The following SPNS3 variants were observed in gnomAD, a reference collection of about 807,000 sequenced individuals.
SPNS3 encodes protein spinster homolog 3.
In SPNS3, 51 loss-of-function variants were observed where a neutral mutation model predicts 54.4. That is an observed-to-expected ratio of 0.94 (90% CI 0.75 to 1.18). The LOEUF is 1.18. Ranked by LOEUF, SPNS3 falls within the 50% of genes most tolerant of loss-of-function variation. SPNS3 has a pLI of 0.00. For synonymous variants in SPNS3, 309 were observed against 294.7 expected (o/e 1.05, Z -0.50); for missense variants, 669 against 677.4 (o/e 0.99, Z 0.14).
chr17:4,461,789 G>A (rs570769117), intron 8 of SPNS3, among the ~76,000 whole-genome samples: 1 of 152,298 alleles, frequency 6.6e-6, no homozygotes, highest in East Asian at 1.9e-4. Flanking sequence ...CCCATTAATT[G>A]AGGCAGGAAA....
chr17:4,468,933 G>T (rs1021459287), intron 8 of SPNS3, among the ~76,000 whole-genome samples: 2 of 151,444 alleles, frequency 1.3e-5, no homozygotes, highest in Non-Finnish European at 2.9e-5. Flanking sequence ...GGATTATGGG[G>T]CATGCCACCA....
intron 9 of SPNS3, among the ~76,000 whole-genome samples, chr17:4,481,491 C>T (rs1972149317): frequency 6.6e-6 from 1 of 152,058 alleles, no homozygotes. Flanking sequence ...GGGCAGGGCA[C>T]GTTCACGTGA....
Position 4,486,477 on chromosome 17 carries a change from G to C in SPNS3, c.1344G>C (p.Gln448His). The C allele has an allele frequency of 6.2e-7, 1 of 1,613,572 alleles. No individual in the cohort carries two copies. Among genetic ancestry groups the C allele is most frequent in the African/African-American group, 1.3e-5 (1 of 75,062 alleles). Residue 448 changes from glutamine to histidine, a missense_variant, in exon 11 of 12, where the codon CAG becomes CAC. By Grantham distance (24) the Gln-to-His change is conservative (BLOSUM62 0). Transcript: ENST00000355530. This position sits in a 1 kb window ranked among gnomAD's most constrained non-coding sequence, Gnocchi z 5.5. Reference sequence around the variant, plus strand: ...TGCAGCGCTTCCGCAGCCTGCAGCAGAGCTTCCTGTGCTGCGCCTTTGTCA... The same window carrying C: ...TGCAGCGCTTCCGCAGCCTGCAGCACAGCTTCCTGTGCTGCGCCTTTGTCA... ...SYLQRFRSLQ[Q>H]SFLCCAFVIA...
intron 8 of SPNS3, among the ~76,000 whole-genome samples, chr17:4,456,976 A>G (rs941689404): frequency 6.6e-6 from 1 of 152,138 alleles, no homozygotes; most frequent in Non-Finnish European, 1.5e-5. Context: ...CGGCCTCCCA[A>G]GGTGCTGGGA....
intron 9 of SPNS3, chr17:4,482,676 C>T (rs1350086573): frequency 6.6e-6 from 1 of 152,328 alleles, no homozygotes; most frequent in African/African-American, 2.4e-5. Flanking sequence ...TAGAGGGGCC[C>T]TGCTCCCTGG....
Position 4,453,028 on chromosome 17 carries a change from G to A in SPNS3, c.936G>A (p.Gly312=), listed in dbSNP as rs138773945. ...TCTTCCCCATCAGCCTGATTTTTGGGGCACTGACCATCATGACCGGCGTCA... is the reference window on the plus strand; with the variant it reads ...TCTTCCCCATCAGCCTGATTTTTGGAGCACTGACCATCATGACCGGCGTCA... ...PCSNPDSLIF[G]ALTIMTGVIG... is the part of the protein sequence containing the mutation. The change falls in exon 8 of 12, where the codon GGG becomes GGA. Residue 312 remains glycine, a synonymous_variant. Transcript: ENST00000355530. 84 of 1,613,502 alleles carry A rather than the reference G, an allele frequency of 5.2e-5. No individual in the cohort carries two copies. The African/African-American group carries it at 1.1e-3, about 21-fold the overall frequency.
chr17:4,439,354 G>A (rs997874931), intron 1 of SPNS3, among the ~76,000 whole-genome samples: 1 of 152,180 alleles, frequency 6.6e-6, no homozygotes, highest in Non-Finnish European at 1.5e-5. Context: ...TCAAGCTCCT[G>A]ACCTCAGGTG....
intron 1 of SPNS3, among the ~76,000 whole-genome samples, chr17:4,436,559 G>A (rs114341733): frequency 0.014 from 2,113 of 150,916 alleles, 27 homozygotes; most frequent in Middle Eastern, 0.037. Flanking sequence ...TTGAGGCTGC[G>A]GTGAGCCCTC....
rs115273039 is a variant in SPNS3, at chr17:4,439,932, C to T, written c.265+209C>T. Among the ~76,000 whole-genome samples the T allele has an allele frequency of 5.2e-3, 786 of 152,110 alleles. 9 individuals carry two copies. The highest frequency in any genetic ancestry group is 0.018 in the African/African-American group (742 of 41,518). ...ATGGTAGTTTGAGTGTAGGGTGCCG[C>T]GGGAGAGCAGGGGGAGGTGGGGCTG... On this transcript the variant is annotated intron_variant, in intron 2 of 11. Transcript: ENST00000355530.
chr17:4,450,174 C>T (rs1971119675), intron 7 of SPNS3, among the ~76,000 whole-genome samples: 1 of 152,016 alleles, frequency 6.6e-6, no homozygotes, highest in Non-Finnish European at 1.5e-5. Context: ...TTCCCTGGAG[C>T]TCCATCCTCC....
chr17:4,448,085 G>C, intron 5 of SPNS3, 70 bp from the exon 6 acceptor site: 2 of 1,440,990 alleles, frequency 1.4e-6, no homozygotes, highest in South Asian at 1.5e-5. Context: ...ACTGTGGCCA[G>C]TTGCCCCCGG....
Position 4,478,422 on chromosome 17 carries a change from A to G in SPNS3, c.1114-150A>G. 4.5e-6 allele frequency: 3 copies of G among 667,984 alleles called. No homozygotes were observed. The East Asian group carries it at 8.6e-5, about 19-fold the overall frequency. 41.4% of individuals were successfully genotyped at this position (667,984 alleles called of 1,614,324 possible). A position where few individuals can be genotyped will look rare whatever the true frequency, so the allele number is the denominator to read the frequency against. ...TCAAGGCTGCTGGAACTGGAAAAATAGTTCTAGGCCTTCCTCGCTCACTCC... is the reference window on the plus strand; with the variant it reads ...TCAAGGCTGCTGGAACTGGAAAAATGGTTCTAGGCCTTCCTCGCTCACTCC... On this transcript the variant is annotated intron_variant, in intron 8 of 11. Transcript: ENST00000355530.
intron 7 of SPNS3, among the ~76,000 whole-genome samples, chr17:4,449,780 G>A (rs1275893748): frequency 6.6e-6 from 1 of 152,054 alleles, no homozygotes; most frequent in East Asian, 1.9e-4. Flanking sequence ...TTTTACAGAT[G>A]GCAAACTGGG....
At chr17:4,475,367 G>C (rs1971962393) in intron 8 of SPNS3, among the ~76,000 whole-genome samples, 1 of 152,254 alleles carries the variant, frequency 6.6e-6, no homozygotes, top group Non-Finnish European at 1.5e-5. Flanking sequence ...TGGGAAACTG[G>C]GGAGGAGATG....
At chr17:4,460,709 TG>T in intron 8 of SPNS3, among the ~76,000 whole-genome samples, 1 of 151,994 alleles carries the variant, frequency 6.6e-6, no homozygotes, top group Non-Finnish European at 1.5e-5. Flanking sequence ...CCGAAAGTGC[TG>T]GGATTACAGG....
chr17:4,458,470 CATTTTCTTTCTTTT>C, intron 8 of SPNS3, among the ~76,000 whole-genome samples: 1 of 73,836 alleles, frequency 1.4e-5, no homozygotes, highest in Non-Finnish European at 3.9e-5. Flanking sequence ...TCTTTCTTTC[CATTTTCTTTCTTTT>C]CTTCTTTCTT....
intron 9 of SPNS3, among the ~76,000 whole-genome samples, chr17:4,480,108 G>A (rs761250883): frequency 4.6e-5 from 7 of 152,112 alleles, no homozygotes; most frequent in East Asian, 1.9e-4. Flanking sequence ...GCCCCTCCCC[G>A]GCAGATCCCC....
intron 1 of SPNS3, among the ~76,000 whole-genome samples, chr17:4,437,889 C>T (rs548705651): frequency 3.3e-5 from 5 of 151,356 alleles, no homozygotes; most frequent in South Asian, 2.1e-4. Flanking sequence ...CAGGTTCAAG[C>T]GATTCTCCTG....
intron 11 of SPNS3, among the ~76,000 whole-genome samples, chr17:4,487,199 G>T (rs906250699): frequency 1.3e-5 from 2 of 150,524 alleles, no homozygotes; most frequent in Non-Finnish European, 3.0e-5. Context: ...AAAGGGACAG[G>T]TAGGTGCAGG....
Sources: gnomAD v4.1 joint callset for allele counts (sites outside exome capture counted in the v4.1 genomes callset) on GRCh38, gnomAD v4.1.1 for gene constraint, Gnocchi (gnomAD v3.1) non-coding constraint, MANE v1.5 for transcripts, NCBI Gene and HGNC (gene_info 2026-07-23, HGNC 2026-07-21) for gene names.